SLC39A11: variants seen among roughly 807,000 people sequenced by gnomAD.
SLC39A11 encodes the protein solute carrier family 39 member 11, also known as zinc transporter ZIP11.
Under a neutral mutation model 36.1 loss-of-function variants are expected in SLC39A11, and 33 were observed. That is an observed-to-expected ratio of 0.91 (90% CI 0.69 to 1.22). The LOEUF is 1.22. Ranked by LOEUF, SLC39A11 falls within the 50% of genes most tolerant of loss-of-function variation. The pLI, the probability that SLC39A11 is intolerant of heterozygous loss-of-function variation, is 0.00. For synonymous variants in SLC39A11, 166 were observed against 170.3 expected (o/e 0.97, Z 0.20); for missense variants, 432 against 430.3 (o/e 1.00, Z -0.03).
chr17:73,026,269 A>T (rs144829202), intron 4 of SLC39A11, among the ~76,000 whole-genome samples: 93 of 136,604 alleles, frequency 6.8e-4, no homozygotes, highest in African/African-American at 2.4e-3. Flanking sequence ...CACACTTGTA[A>T]CACCAGCACT....
chr17:73,046,456 AG>A (rs768688522), intron 3 of SLC39A11, among the ~76,000 whole-genome samples: 3 of 152,076 alleles, frequency 2.0e-5, no homozygotes, highest in Non-Finnish European at 4.4e-5. Context: ...CCTACGAAAA[AG>A]CCCCCTCCTA....
chr17:72,858,536 A>G (rs1410102825), intron 5 of SLC39A11, among the ~76,000 whole-genome samples: 1 of 152,236 alleles, frequency 6.6e-6, no homozygotes, highest in Non-Finnish European at 1.5e-5. Context: ...TTTGATAGGA[A>G]TAGCATTGAA....
intron 4 of SLC39A11, among the ~76,000 whole-genome samples, chr17:73,026,231 G>GAAGAGAAGAGAAGAGAAGAGAA (rs1568146537): frequency 6.6e-6 from 1 of 151,452 alleles, no homozygotes; most frequent in South Asian, 2.1e-4. Flanking sequence ...GAAGAGAAGA[G>GAAGAGAAGAGAAGAGAAGAGAA]AAAAGGGAAA....
At chr17:72,960,608 G>A (rs1412404052) in intron 4 of SLC39A11, among the ~76,000 whole-genome samples, 4 of 151,930 alleles carry the variant, frequency 2.6e-5, no homozygotes, top group African/African-American at 9.7e-5. Flanking sequence ...CCTGAACATG[G>A]CGAGACCCCA....
intron 4 of SLC39A11, among the ~76,000 whole-genome samples, chr17:72,986,115 T>C (rs1262490985): frequency 6.6e-6 from 1 of 152,200 alleles, no homozygotes; most frequent in Admixed American, 6.5e-5. Flanking sequence ...CAGAAAGTTC[T>C]AGCCTCTAGA....
intron 3 of SLC39A11, among the ~76,000 whole-genome samples, chr17:73,039,096 C>A (rs2059023490): frequency 6.6e-6 from 1 of 152,136 alleles, no homozygotes; most frequent in Non-Finnish European, 1.5e-5. Context: ...GTCAAATAAC[C>A]TAAGCTCTCT....
At chr17:72,863,735 C>G (rs1052767119) in intron 5 of SLC39A11, among the ~76,000 whole-genome samples, 1 of 152,224 alleles carries the variant, frequency 6.6e-6, no homozygotes, top group African/African-American at 2.4e-5. Flanking sequence ...GGGTGGGCTA[C>G]AGATTGCAGC....
chr17:73,032,920 CT>C (rs1397779374), intron 3 of SLC39A11, among the ~76,000 whole-genome samples: 3 of 152,162 alleles, frequency 2.0e-5, no homozygotes, highest in Non-Finnish European at 4.4e-5. Context: ...GAAATTGGAT[CT>C]TGAAATAATA....
intron 6 of SLC39A11, among the ~76,000 whole-genome samples, chr17:72,807,000 A>G (rs978646385): frequency 6.6e-6 from 1 of 152,074 alleles, no homozygotes; most frequent in Non-Finnish European, 1.5e-5. Flanking sequence ...CACATTTTGC[A>G]TCTACATGTC....
chr17:72,676,103 C>CAG (rs57146791), intron 7 of SLC39A11, among the ~76,000 whole-genome samples: 1 of 88,492 alleles, frequency 1.1e-5, no homozygotes, highest in African/African-American at 3.9e-5. Flanking sequence ...CACACACACA[C>CAG]TTGCTGTATT....
chr17:72,873,404 T>G (rs935096040), intron 5 of SLC39A11, among the ~76,000 whole-genome samples: 31 of 152,254 alleles, frequency 2.0e-4, no homozygotes, highest in African/African-American at 7.5e-4. Flanking sequence ...CTTGAAAAAC[T>G]CTAGCCTCCA....
At chr17:72,715,220 G>A (rs1478144313) in intron 7 of SLC39A11, among the ~76,000 whole-genome samples, 1 of 152,216 alleles carries the variant, frequency 6.6e-6, no homozygotes, top group Non-Finnish European at 1.5e-5. Context: ...TTACAAGGCA[G>A]ATAAGATGCA....
At chr17:72,903,402 G>A (rs1185279519) in intron 5 of SLC39A11, among the ~76,000 whole-genome samples, 1 of 152,122 alleles carries the variant, frequency 6.6e-6, no homozygotes, top group African/African-American at 2.4e-5. Context: ...GTCTCTCTGA[G>A]GCACAACTCC....
chr17:73,013,950 C>A (rs542616172), intron 4 of SLC39A11, among the ~76,000 whole-genome samples: 81 of 152,234 alleles, frequency 5.3e-4, no homozygotes, highest in Non-Finnish European at 1.1e-3. Flanking sequence ...CAGTCACACC[C>A]AAGCCTCAGT....
chr17:73,075,322 C>T (rs948968502), intron 3 of SLC39A11, among the ~76,000 whole-genome samples: 1 of 152,206 alleles, frequency 6.6e-6, no homozygotes, highest in African/African-American at 2.4e-5. Flanking sequence ...TCAACTGAGG[C>T]CCAGGAAGAC....
chr17:72,961,045 C>A (rs769830172), intron 4 of SLC39A11, among the ~76,000 whole-genome samples: 6 of 151,954 alleles, frequency 3.9e-5, no homozygotes, highest in Non-Finnish European at 8.8e-5. Flanking sequence ...AGTGTGTGCA[C>A]AAAAGAGCCA....
At chr17:72,673,682 C>G (rs761753739) in intron 7 of SLC39A11, among the ~76,000 whole-genome samples, 3 of 151,986 alleles carry the variant, frequency 2.0e-5, no homozygotes, top group Non-Finnish European at 4.4e-5. Context: ...GCTTGTATTC[C>G]ATTTGGGCTC....
chr17:72,794,591 C>A (rs1360506096), intron 6 of SLC39A11, among the ~76,000 whole-genome samples: 2 of 152,040 alleles, frequency 1.3e-5, no homozygotes, highest in East Asian at 3.9e-4. Context: ...TCTCTACACT[C>A]AAACTGTCCA....
At chr17:72,996,077 C>T (rs1320913211) in intron 4 of SLC39A11, among the ~76,000 whole-genome samples, 1 of 152,156 alleles carries the variant, frequency 6.6e-6, no homozygotes, top group Non-Finnish European at 1.5e-5. Context: ...TGCCCTCCTT[C>T]ACCCCAGAGC....
Sources: gnomAD v4.1 joint callset for allele counts (sites outside exome capture counted in the v4.1 genomes callset) on GRCh38, gnomAD v4.1.1 for gene constraint, MANE v1.5 for transcripts, NCBI Gene and HGNC (gene_info 2026-07-23, HGNC 2026-07-21) for gene names.